The following SYTL5 variants were observed in gnomAD, a reference collection of about 807,000 sequenced individuals.
The protein encoded by SYTL5 is synaptotagmin like 5.
In SYTL5, 34 loss-of-function variants were observed where a neutral mutation model predicts 55.9. That is an observed-to-expected ratio of 0.61 (90% CI 0.46 to 0.81). The LOEUF is 0.81. Among genes scored for constraint, SYTL5 ranks in the 30% least tolerant of loss-of-function variants. SYTL5 has a pLI of 0.00. For missense variants in SYTL5, 637 were observed against 546.7 expected, an observed-to-expected ratio of 1.17 and a Z score of -1.65; for synonymous variants, 221 against 188.7, an observed-to-expected ratio of 1.17 and a Z score of -1.40.
chrX:38,095,110 A>G (rs1358101630), intron 8 of SYTL5, among the ~76,000 whole-genome samples: 15 of 111,942 alleles, frequency 1.3e-4, no homozygotes, highest in Admixed American at 9.5e-5. Flanking sequence ...ATGATTATAT[A>G]TGCATAAAGC....
the SYTL5 span, among the ~76,000 whole-genome samples, chrX:37,896,975 G>A: frequency 8.9e-6 from 1 of 111,841 alleles, no homozygotes; most frequent in Non-Finnish European, 1.9e-5. Flanking sequence ...GTAGAGGAGG[G>A]GCTGTTGAAA....
chrX:38,109,820 T>C (rs1226594631), intron 12 of SYTL5, among the ~76,000 whole-genome samples: 1 of 111,022 alleles, frequency 9.0e-6, no homozygotes. Flanking sequence ...CTGTTTAATA[T>C]ACATGTACAC....
intron 10 of SYTL5, 105 bp downstream of exon 10, chrX:38,102,539 G>A: frequency 3.6e-6 from 2 of 559,293 alleles, no homozygotes; most frequent in Non-Finnish European, 6.1e-6. Context: ...GTGTGATAAT[G>A]AGTTAAAAGT....
upstream of SYTL5, among the ~76,000 whole-genome samples, chrX:38,004,849 A>G (rs1933951536): frequency 9.1e-6 from 1 of 110,243 alleles, no homozygotes; most frequent in Non-Finnish European, 1.9e-5. Context: ...AATAAGACAT[A>G]GTATTTCTTA....
At chrX:37,955,705 T>C in the SYTL5 span, among the ~76,000 whole-genome samples, 1 of 111,719 alleles carries the variant, frequency 9.0e-6, no homozygotes, top group Non-Finnish European at 1.9e-5. Flanking sequence ...TGATTATCTT[T>C]CCCTAAAGGA....
intron 2 of SYTL5, among the ~76,000 whole-genome samples, chrX:38,041,216 T>G (rs994083016): frequency 2.7e-5 from 3 of 112,146 alleles, no homozygotes; most frequent in Admixed American, 9.5e-5. Flanking sequence ...AGTTCAATAT[T>G]TGGTTCAAAT....
chrX:37,897,281 G>A, the SYTL5 span, among the ~76,000 whole-genome samples: 3 of 109,318 alleles, frequency 2.7e-5, no homozygotes, highest in Admixed American at 2.9e-4. Context: ...TCAGGAGTTC[G>A]AGACCAGCCT....
chrX:37,947,542 T>C, the SYTL5 span, among the ~76,000 whole-genome samples: 1 of 112,057 alleles, frequency 8.9e-6, no homozygotes, highest in African/African-American at 3.2e-5. Flanking sequence ...CTGTGAGTCA[T>C]GTAAACCTCT....
At chrX:37,997,382 G>A in the SYTL5 span, among the ~76,000 whole-genome samples, 51 of 112,622 alleles carry the variant, frequency 4.5e-4, no homozygotes, top group African/African-American at 1.6e-3. Flanking sequence ...CTGCCCTCCT[G>A]GACACAGCTG....
the SYTL5 span, among the ~76,000 whole-genome samples, chrX:37,987,283 G>T: frequency 8.9e-6 from 1 of 112,191 alleles, no homozygotes; most frequent in Non-Finnish European, 1.9e-5. Context: ...ACTGGAAGAT[G>T]CTACTATCTA....
At chrX:38,060,811 C>T (rs981562213) in intron 3 of SYTL5, among the ~76,000 whole-genome samples, 3 of 112,067 alleles carry the variant, frequency 2.7e-5, no homozygotes, top group South Asian at 3.7e-4. Flanking sequence ...TCAAAACTTC[C>T]GTGTCTTCCT....
intron 1 of SYTL5, among the ~76,000 whole-genome samples, chrX:38,031,687 T>C (rs1449120132): frequency 8.9e-6 from 1 of 112,217 alleles, no homozygotes; most frequent in Non-Finnish European, 1.9e-5. Flanking sequence ...TTCCATTTCA[T>C]CACAATACCA....
At chrX:37,984,390 G>A in the SYTL5 span, among the ~76,000 whole-genome samples, 3 of 111,333 alleles carry the variant, frequency 2.7e-5, no homozygotes, top group Admixed American at 2.9e-4. Context: ...AGATAAAATG[G>A]ACAAATTACT....
At chrX:38,058,871 T>G in intron 3 of SYTL5, among the ~76,000 whole-genome samples, 1 of 111,210 alleles carries the variant, frequency 9.0e-6, no homozygotes, top group Non-Finnish European at 1.9e-5. Context: ...GGAATATCTC[T>G]TTAGATATTT....
the SYTL5 span, among the ~76,000 whole-genome samples, chrX:37,892,010 A>T: frequency 8.9e-6 from 1 of 111,867 alleles, no homozygotes; most frequent in African/African-American, 3.2e-5. Context: ...TTCAAAAACT[A>T]TATTGAAGTT....
At chrX:37,909,666 T>C in the SYTL5 span, among the ~76,000 whole-genome samples, 1 of 107,563 alleles carries the variant, frequency 9.3e-6, no homozygotes, top group Admixed American at 9.9e-5. Context: ...TTTGTTTGTT[T>C]GTTTTCTGTT....
chrX:37,922,867 T>C, the SYTL5 span, among the ~76,000 whole-genome samples: 1 of 111,577 alleles, frequency 9.0e-6, no homozygotes, highest in African/African-American at 3.3e-5. Context: ...ACAGCTTTTC[T>C]TTCAGTCACC....
the SYTL5 span, among the ~76,000 whole-genome samples, chrX:37,997,321 G>A: frequency 1.8e-5 from 2 of 112,306 alleles, no homozygotes; most frequent in Non-Finnish European, 3.8e-5. Flanking sequence ...GCAGCTGCCC[G>A]AGCGGTGGTT....
At chrX:38,073,058 C>T (rs1936306451) in intron 4 of SYTL5, among the ~76,000 whole-genome samples, 1 of 111,456 alleles carries the variant, frequency 9.0e-6, no homozygotes, top group Non-Finnish European at 1.9e-5. Flanking sequence ...CACACAGATC[C>T]GATACTACAG....
Sources: gnomAD v4.1 joint callset for allele counts (sites outside exome capture counted in the v4.1 genomes callset) on GRCh38, gnomAD v4.1.1 for gene constraint, MANE v1.5 for transcripts, NCBI Gene and HGNC (gene_info 2026-07-23, HGNC 2026-07-21) for gene names.